The following NALF2 variants were observed in gnomAD, a reference collection of about 807,000 sequenced individuals.
The protein encoded by NALF2 is bB57D9.1 (TED protein).
In NALF2, 1 loss-of-function variant was observed where a neutral mutation model predicts 24.8. That is an observed-to-expected ratio of 0.04 (90% confidence interval 0.01 to 0.19). The LOEUF (loss-of-function observed/expected upper bound fraction) is 0.19. Ranked by LOEUF, NALF2 falls within the 10% of genes least tolerant of loss-of-function variation. The pLI, the probability that NALF2 is intolerant of heterozygous loss-of-function variation, is 1.00. For missense variants in NALF2, 458 were observed against 409.6 expected, an observed-to-expected ratio of 1.12 and a Z score of -1.02; for synonymous variants, 254 against 189.8, an observed-to-expected ratio of 1.34 and a Z score of -2.78.
At position 69,505,296 on chromosome X, in the gene NALF2, C is replaced by T. The variant is rs1569256661; in HGVS notation, c.14C>T (p.Ala5Val). Reference protein sequence around the residue: MFRGAWMWPGKDAAA... With the variant: MFRGVWMWPGKDAAA... The stretch of plus-strand genomic sequence containing the variant: ...CCCCCCTGAAATATGTTCAGGGGCG[C>T]TTGGATGTGGCCCGGGAAAGACGCC... The change falls in exon 1 of 3, where the codon GCT becomes GTT. Residue 5 changes from alanine to valine, a missense_variant. Physicochemically the swap from Ala to Val is moderately conservative, Grantham distance 64. Coordinates refer to ENST00000252338, the MANE Select transcript of NALF2 (RefSeq NM_015686.3). 1 of 1,155,128 alleles carries T rather than the reference C, an allele frequency of 8.7e-7. No individual in the cohort carries two copies. The highest frequency in any genetic ancestry group is 1.8e-5 in the African/African-American group (1 of 55,345).
In NALF2 at chrX:69,505,769, G is replaced by C. The variant is rs770211531; in HGVS notation, c.487G>C (p.Ala163Pro). The change falls in exon 1 of 3, where the codon GCC (alanine) becomes CCC (proline). Residue 163 changes from alanine to proline, a missense_variant. Transcript: ENST00000252338. ...LQRLFEPTTP[A>P]PPLRPPDSLS... ...GAGACTTTTCGAACCGACTACTCCG[G>C]CCCCCCCTCTGCGGCCCCCTGACTC... 7.4e-6 allele frequency: 9 copies of C among 1,208,593 alleles called. No homozygotes were observed. The highest frequency in any genetic ancestry group is 2.3e-4 in the Middle Eastern group (1 of 4,348).
intron 1 of NALF2, 48 bp downstream of exon 1, chrX:69,506,191 G>A: frequency 8.6e-7 from 1 of 1,165,359 alleles, no homozygotes; most frequent in Non-Finnish European, 1.1e-6. Flanking sequence ...GGCAGCGGCA[G>A]CGGCCGCAGT....
intron 1 of NALF2, among the ~76,000 whole-genome samples, chrX:69,522,022 G>T (rs1930742064): frequency 8.9e-6 from 1 of 112,087 alleles, no homozygotes; most frequent in South Asian, 3.8e-4. Context: ...GTTCCATATG[G>T]CACCAGTAGA....
chrX:69,507,481 ACTT>A (rs1263618744), intron 1 of NALF2, among the ~76,000 whole-genome samples: 1 of 110,262 alleles, frequency 9.1e-6, no homozygotes, highest in African/African-American at 3.3e-5. Flanking sequence ...GAGATATTCC[ACTT>A]CTTAAAGGTA....
chrX:69,524,281 A>G (rs1450765260), intron 1 of NALF2, among the ~76,000 whole-genome samples: 1 of 109,677 alleles, frequency 9.1e-6, no homozygotes, highest in Non-Finnish European at 1.9e-5. Context: ...ATGTAGAGAC[A>G]GGGTTTCACC....
chrX:69,518,003 G>C (rs1930686608), intron 1 of NALF2, among the ~76,000 whole-genome samples: 1 of 112,513 alleles, frequency 8.9e-6, no homozygotes, highest in African/African-American at 3.2e-5. Flanking sequence ...GGAAGTGTGT[G>C]CAGCTGAAGG....
intron 1 of NALF2, among the ~76,000 whole-genome samples, chrX:69,517,899 C>T (rs1362628155): frequency 1.8e-5 from 2 of 112,866 alleles, no homozygotes; most frequent in East Asian, 5.6e-4. Context: ...AGGTAAGGAT[C>T]TGTCTTTGGT....
intron 1 of NALF2, among the ~76,000 whole-genome samples, chrX:69,521,460 C>G (rs1051930537): frequency 4.5e-5 from 5 of 111,252 alleles, no homozygotes; most frequent in African/African-American, 6.6e-5. Context: ...CTTGATAAAC[C>G]CATTGTAAGT....
chrX:69,520,047 T>C (rs910975302), intron 1 of NALF2, among the ~76,000 whole-genome samples: 5 of 112,198 alleles, frequency 4.5e-5, no homozygotes, highest in African/African-American at 1.6e-4. Context: ...GAGCCACTCC[T>C]CCATCTTCAT....
chrX:69,524,644 C>T (rs200913633), intron 1 of NALF2, among the ~76,000 whole-genome samples: 172 of 109,708 alleles, frequency 1.6e-3, no homozygotes, highest in African/African-American at 5.5e-3. Flanking sequence ...CAACCTCCCC[C>T]GTCAACCCCT....
chrX:69,532,155 C>G lies in NALF2; in HGVS notation c.*2199C>G, dbSNP rs1319047954. On this transcript the variant is annotated 3_prime_UTR_variant, in exon 3 of 3. Coordinates refer to ENST00000252338, the MANE Select transcript of NALF2 (RefSeq NM_015686.3). ...CTCAAAGTCATTTGACTGCCCCCAT[C>G]CACCCCACCACCCTAATCTTCCACC... The G allele has an allele frequency of 8.9e-6, 1 of 112,709 alleles. No homozygotes were observed. The allele number at this position is 112,709 out of a possible 1,213,427, so 9.3% of individuals were successfully genotyped here. A position where few individuals can be genotyped will look rare whatever the true frequency, so the allele number is the denominator to read the frequency against.
In NALF2 at chrX:69,530,094, C is replaced by T; in HGVS notation, c.*138C>T. The T allele has an allele frequency of 2.1e-6, 1 of 475,336 alleles. No individual in the cohort carries two copies. Among genetic ancestry groups the T allele is most frequent in the Non-Finnish European group, 3.4e-6 (1 of 290,559 alleles). 39.2% of individuals were successfully genotyped at this position (475,336 alleles called of 1,213,427 possible). Reference sequence around the variant, plus strand: ...AAATGGGGGAATGACACATCCCCCCCAACCTACCCCCACCCCAAAAGCAGC... The same window carrying T: ...AAATGGGGGAATGACACATCCCCCCTAACCTACCCCCACCCCAAAAGCAGC... On this transcript the variant is annotated 3_prime_UTR_variant, in exon 3 of 3. Coordinates refer to ENST00000252338, the MANE Select transcript of NALF2 (RefSeq NM_015686.3).
At chrX:69,528,904 T>A in intron 1 of NALF2, 89 bp from the exon 2 acceptor site, 1 of 1,018,369 alleles carries the variant, frequency 9.8e-7, no homozygotes. Context: ...GAGGCCCCCT[T>A]GAGAGACCAC....
chrX:69,531,642 G>T lies in NALF2; in HGVS notation c.*1686G>T, dbSNP rs1232762228. ...GGGAGAGCTGGCCTTGGTCAGCTTA[G>T]GGATGAATGGAGAAGGAATCATTCA... is the stretch of plus-strand genomic sequence containing the variant. On this transcript the variant is annotated 3_prime_UTR_variant, in exon 3 of 3. Transcript: ENST00000252338. 3 of 111,940 alleles carry T rather than the reference G, an allele frequency of 2.7e-5. No individual in the cohort carries two copies. Among genetic ancestry groups the T allele is most frequent in the African/African-American group, 9.8e-5 (3 of 30,602 alleles). The allele number at this position is 111,940 out of a possible 1,213,427, so 9.2% of individuals were successfully genotyped here. A position where few individuals can be genotyped will look rare whatever the true frequency, so the allele number is the denominator to read the frequency against.
Position 69,505,364 on chromosome X carries a change from A to G in NALF2, c.82A>G (p.Arg28Gly). The G allele has an allele frequency of 2.6e-6, 3 of 1,158,201 alleles. No homozygotes were observed. The highest frequency in any genetic ancestry group is 3.5e-6 in the Non-Finnish European group (3 of 869,123). ...ICCCCCCWAP[R>G]PSDKPCADSE... is the part of the protein sequence containing the mutation. ...CTGCTGCTGCTGCTGCTGGGCTCCC[A>G]GGCCGAGCGACAAACCTTGCGCCGA... The change falls in exon 1 of 3, where the codon AGG becomes GGG. Residue 28 changes from arginine to glycine, a missense_variant. Physicochemically the swap from Arg to Gly is moderately radical, Grantham distance 125. Coordinates refer to ENST00000252338, the MANE Select transcript of NALF2 (RefSeq NM_015686.3).
In NALF2 at chrX:69,504,688, G is replaced by A. The variant is rs544003701; in HGVS notation, c.-595G>A. Among the ~76,000 whole-genome samples the A allele has an allele frequency of 7.1e-4, 80 of 112,385 alleles. 1 individual carries two copies. In the South Asian group the frequency reaches 0.026, roughly 37 times the overall value. On this transcript the variant is annotated 5_prime_UTR_variant, in exon 1 of 3. Transcript: ENST00000252338. ...CCCGGAGCGCGAACGAAGCCCGAAG[G>A]GCCCGGCAACGGACCGGCCGGCCGG...
In NALF2 at chrX:69,505,806, C is replaced by T. The variant is rs775968689; in HGVS notation, c.524C>T (p.Ala175Val). The stretch of plus-strand genomic sequence containing the variant: ...CGGCCCCCTGACTCCCTTTCCCGTG[C>T]CCCGGCCGAGTTCCCCTCCGCCAAA... ...PLRPPDSLSR[A>V]PAEFPSAKKN... The change falls in exon 1 of 3, where the codon GCC becomes GTC. Residue 175 changes from alanine to valine, a missense_variant. Physicochemically the swap from Ala to Val is moderately conservative, Grantham distance 64. Coordinates refer to ENST00000252338, the MANE Select transcript of NALF2 (RefSeq NM_015686.3). The T allele has an allele frequency of 2.5e-6, 3 of 1,210,653 alleles. No homozygotes were observed. The highest frequency in any genetic ancestry group is 3.0e-5 in the East Asian group (1 of 33,768).
chrX:69,529,115 C>G lies in NALF2; in HGVS notation c.984C>G (p.Pro328=). ...AGACCCGGTGCCCCTTTATACTCCCCGACAATGAGGAAATGGTGTACGGAG... is the reference window on the plus strand; with the variant it reads ...AGACCCGGTGCCCCTTTATACTCCCGGACAATGAGGAAATGGTGTACGGAG... ...EVQTRCPFIL[P]DNEEMVYGGL... The change falls in exon 2 of 3, where the codon CCC becomes CCG. Residue 328 remains proline (P), a synonymous_variant. Transcript: ENST00000252338. 1 of 1,210,686 alleles carries G rather than the reference C, an allele frequency of 8.3e-7. No homozygotes were observed. The highest frequency in any genetic ancestry group is 1.1e-6 in the Non-Finnish European group (1 of 895,010).
At chrX:69,506,810 A>G (rs1268998279) in intron 1 of NALF2, among the ~76,000 whole-genome samples, 1 of 112,682 alleles carries the variant, frequency 8.9e-6, no homozygotes, top group Non-Finnish European at 1.9e-5. Flanking sequence ...TGGGAAGGCC[A>G]CTGAAGGTTA....
Sources: allele counts gnomAD v4.1 joint callset (sites outside exome capture counted in the v4.1 genomes callset), GRCh38; gene constraint gnomAD v4.1.1; transcripts MANE v1.5; gene names NCBI Gene and HGNC (gene_info 2026-07-23, HGNC 2026-07-21).